DCAF8L2: variants seen among roughly 807,000 people sequenced by gnomAD.
DCAF8L2 encodes the protein DDB1- and CUL4-associated factor 8-like protein 2.
For missense variants in DCAF8L2, 430 were observed against 490.7 expected, an observed-to-expected ratio of 0.88 and a Z score of 1.17; for synonymous variants, 200 against 190.9, an observed-to-expected ratio of 1.05 and a Z score of -0.39.
chrX:27,568,776 T>G, the DCAF8L2 span, among the ~76,000 whole-genome samples: 1 of 108,404 alleles, frequency 9.2e-6, no homozygotes, highest in Non-Finnish European at 1.9e-5. Context: ...ACCCATTAAC[T>G]CATCATTTAA....
chrX:27,646,245 C>T (rs772117773), intron 2 of DCAF8L2, among the ~76,000 whole-genome samples: 1 of 110,954 alleles, frequency 9.0e-6, no homozygotes, highest in African/African-American at 3.3e-5. Flanking sequence ...AATAGAGAAT[C>T]CAGAAATAAG....
rs1335708497 is a variant in DCAF8L2 at position 27,741,739 on chromosome X, A to G, written c.-58-5099A>G. On this transcript the variant is annotated intron_variant, in intron 4 of 4. Coordinates refer to ENST00000451261, the MANE Select transcript of DCAF8L2 (RefSeq NM_001353450.2). ...AATAGATTTTGGAAATTGTCACTGTAAAACTAGATAAAAATGCATTTATTC... is the reference window on the plus strand; with the variant it reads ...AATAGATTTTGGAAATTGTCACTGTGAAACTAGATAAAAATGCATTTATTC... Among the ~76,000 whole-genome samples the G allele has an allele frequency of 3.6e-5, 4 of 111,601 alleles. No homozygotes were observed. The East Asian group carries it at 1.1e-3, about 32-fold the overall frequency.
intron 2 of DCAF8L2, chrX:27,633,058 ATATGCATATG>A (rs1928357435): frequency 8.9e-6 from 1 of 112,283 alleles, no homozygotes; most frequent in African/African-American, 3.2e-5. Flanking sequence ...ATATGTATGC[ATATGCATATG>A]TATGTATAGA....
At chrX:27,496,508 C>T in the DCAF8L2 span, among the ~76,000 whole-genome samples, 1 of 111,576 alleles carries the variant, frequency 9.0e-6, no homozygotes, top group African/African-American at 3.3e-5. Context: ...CATATGTGGT[C>T]CTTTTTGGCT....
intron 4 of DCAF8L2, among the ~76,000 whole-genome samples, chrX:27,743,064 C>T (rs1293490143): frequency 8.9e-6 from 1 of 111,963 alleles, no homozygotes; most frequent in Non-Finnish European, 1.9e-5. Context: ...AAGGTTCTCA[C>T]ACTTTTATTT....
chrX:27,731,153 C>A (rs1327223112), intron 4 of DCAF8L2, among the ~76,000 whole-genome samples: 2 of 109,965 alleles, frequency 1.8e-5, no homozygotes, highest in African/African-American at 6.6e-5. Context: ...GAGACCGAGG[C>A]GGGTGGATCA....
chrX:27,732,458 T>C (rs779109941), intron 4 of DCAF8L2, among the ~76,000 whole-genome samples: 2 of 105,601 alleles, frequency 1.9e-5, no homozygotes, highest in Admixed American at 2.1e-4. Context: ...AGGATCTCCT[T>C]TTCTAAGGCT....
chrX:27,641,928 G>A (rs886741631), intron 2 of DCAF8L2, among the ~76,000 whole-genome samples: 4 of 108,759 alleles, frequency 3.7e-5, no homozygotes, highest in Admixed American at 9.9e-5. Flanking sequence ...TCGCTCTGTC[G>A]CCCGTGCTGG....
chrX:27,559,048 T>C, the DCAF8L2 span, among the ~76,000 whole-genome samples: 2 of 110,738 alleles, frequency 1.8e-5, no homozygotes, highest in African/African-American at 6.6e-5. Flanking sequence ...CCTGTAGCCA[T>C]GTAGGACGTG....
chrX:27,612,758 A>T (rs1436277965), intron 1 of DCAF8L2, among the ~76,000 whole-genome samples: 1 of 111,047 alleles, frequency 9.0e-6, no homozygotes, highest in African/African-American at 3.3e-5. Context: ...ATGGTTGTAG[A>T]TATGTGTGGT....
rs1555922126 is a variant in DCAF8L2, at chrX:27,634,983, C to CAT, written c.-220+2989_-220+2990dup. 7.1e-5 allele frequency among the ~76,000 whole-genome samples: 7 copies of CAT among 99,151 alleles called. No homozygotes were observed. In the East Asian group the frequency reaches 1.3e-3, roughly 19 times the overall value. The allele number at this position is 99,151 out of a possible 115,157, so 86.1% of individuals were successfully genotyped here. On this transcript the variant is annotated intron_variant, in intron 2 of 4. Coordinates refer to ENST00000451261, the MANE Select transcript of DCAF8L2 (RefSeq NM_001353450.2). The stretch of plus-strand genomic sequence containing the variant: ...ACACACACACACACACACACACACA[C>CAT]ATATATAGAGAGAGAGAGAGAAAGA...
chrX:27,696,333 A>AG (rs1281444303), intron 3 of DCAF8L2, among the ~76,000 whole-genome samples: 21 of 34,664 alleles, frequency 6.1e-4, no homozygotes, highest in East Asian at 3.5e-3. Flanking sequence ...AAAGAAAGAA[A>AG]AAGAAAGAAA....
chrX:27,698,015 A>G lies in DCAF8L2; in HGVS notation c.-142-18073A>G, dbSNP rs192513617. The stretch of plus-strand genomic sequence containing the variant: ...ATAGTTGAATTTTTATGAATTTAAA[A>G]TTTTTTTTATTAACTATTTGATTTT... On this transcript the variant is annotated intron_variant, in intron 3 of 4. Coordinates refer to ENST00000451261, the MANE Select transcript of DCAF8L2 (RefSeq NM_001353450.2). 1.0e-3 allele frequency among the ~76,000 whole-genome samples: 114 copies of G among 109,584 alleles called. 5 individuals carry two copies. The East Asian group carries it at 0.029, about 28-fold the overall frequency.
intron 2 of DCAF8L2, among the ~76,000 whole-genome samples, chrX:27,640,210 T>C (rs1248294951): frequency 8.9e-6 from 1 of 111,971 alleles, no homozygotes; most frequent in Non-Finnish European, 1.9e-5. Context: ...TAGGTAGGAA[T>C]TGAACAATGA....
intron 1 of DCAF8L2, among the ~76,000 whole-genome samples, chrX:27,616,946 G>A (rs747621661): frequency 3.6e-5 from 4 of 111,697 alleles, no homozygotes; most frequent in Non-Finnish European, 7.5e-5. Flanking sequence ...GTTATACATT[G>A]CATTTTGAAT....
At chrX:27,688,523 T>A (rs1047000896) in intron 3 of DCAF8L2, among the ~76,000 whole-genome samples, 3 of 111,922 alleles carry the variant, frequency 2.7e-5, no homozygotes, top group Non-Finnish European at 3.8e-5. Context: ...ATCAAATAAA[T>A]ATTTGCAAAA....
intron 1 of DCAF8L2, among the ~76,000 whole-genome samples, chrX:27,603,785 T>C (rs192914319): frequency 2.7e-4 from 30 of 111,842 alleles, no homozygotes; most frequent in Admixed American, 1.9e-4. Context: ...GTTGGGGACT[T>C]GGAAGGTTAG....
chrX:27,567,174 T>G, the DCAF8L2 span, among the ~76,000 whole-genome samples: 1 of 111,009 alleles, frequency 9.0e-6, no homozygotes, highest in African/African-American at 3.3e-5. Context: ...ATGTTCCATG[T>G]GCACTTGAGA....
intron 1 of DCAF8L2, among the ~76,000 whole-genome samples, chrX:27,591,004 T>C (rs1276128111): frequency 2.1e-5 from 2 of 96,044 alleles, no homozygotes; most frequent in Non-Finnish European, 4.2e-5. Flanking sequence ...TATATATATA[T>C]ATATATATAT....
Sources: gnomAD v4.1 joint callset for allele counts (sites outside exome capture counted in the v4.1 genomes callset) on GRCh38, gnomAD v4.1.1 for gene constraint, MANE v1.5 for transcripts, NCBI Gene and HGNC (gene_info 2026-07-23, HGNC 2026-07-21) for gene names.